Variants in FBXL17 observed in about 807,000 individuals in gnomAD.
FBXL17 encodes F-box/LRR-repeat protein 17.
In FBXL17, 22 loss-of-function variants were observed where a neutral mutation model predicts 66.2. The observed-to-expected ratio is 0.33, with a 90% CI of 0.24 to 0.47. The LOEUF is 0.47. FBXL17 is among the 20% of genes least tolerant of loss of function. The pLI, the probability that FBXL17 is intolerant of heterozygous loss-of-function variation, is 1.00. For missense variants in FBXL17, 878 were observed against 948.2 expected (o/e 0.93, Z 0.97); for synonymous variants, 474 against 400.5 (o/e 1.18, Z -2.19).
intron 1 of FBXL17, among the ~76,000 whole-genome samples, chr5:108,379,746 A>G (rs1749709007): frequency 6.6e-6 from 1 of 152,206 alleles, no homozygotes; most frequent in South Asian, 2.1e-4. Context: ...GGAGGGAAAA[A>G]GTTAATAATA....
chr5:108,302,656 GAATGA>G (rs1758646858), intron 4 of FBXL17, among the ~76,000 whole-genome samples: 1 of 151,522 alleles, frequency 6.6e-6, no homozygotes, highest in Non-Finnish European at 1.5e-5. Flanking sequence ...ACGTTTTAAG[GAATGA>G]AATGTTTTCT....
chr5:107,946,174 CAT>C lies in FBXL17; in HGVS notation c.1823-64997_1823-64996del, dbSNP rs1048489087. On this transcript the variant is annotated intron_variant, in intron 7 of 8. Transcript: ENST00000542267. Reference sequence around the variant, plus strand: ...AGACCCCATCTGCTACAACCCCAGACATATGAGTGTAATTAAATTAAGGCATT... The same window carrying C: ...AGACCCCATCTGCTACAACCCCAGACATGAGTGTAATTAAATTAAGGCATT... Among the ~76,000 whole-genome samples, 9 of 146,676 alleles carry C rather than the reference CAT, an allele frequency of 6.1e-5. No homozygotes were observed. In the South Asian group the frequency reaches 6.5e-4, roughly 11 times the overall value.
At chr5:108,135,767 G>T (rs1360570152) in intron 6 of FBXL17, among the ~76,000 whole-genome samples, 1 of 152,074 alleles carries the variant, frequency 6.6e-6, no homozygotes, top group Non-Finnish European at 1.5e-5. Flanking sequence ...GGATAAGATG[G>T]TTATTTCCTC....
intron 6 of FBXL17, among the ~76,000 whole-genome samples, chr5:108,179,411 A>G (rs772939556): frequency 5.9e-5 from 9 of 152,172 alleles, no homozygotes; most frequent in Non-Finnish European, 1.0e-4. Flanking sequence ...ACCTCAATAT[A>G]CCTAAAAAAA....
chr5:108,113,229 G>A (rs1750108007), intron 6 of FBXL17, among the ~76,000 whole-genome samples: 1 of 152,074 alleles, frequency 6.6e-6, no homozygotes, highest in African/African-American at 2.4e-5. Context: ...AAGACCACAT[G>A]GGCATGTGGC....
chr5:108,376,704 G>T (rs964522715), intron 1 of FBXL17, among the ~76,000 whole-genome samples: 1 of 151,630 alleles, frequency 6.6e-6, no homozygotes, highest in Non-Finnish European at 1.5e-5. Flanking sequence ...CTCAGCATGG[G>T]TCACATTTTT....
chr5:107,962,160 G>A (rs1417004298), intron 7 of FBXL17, among the ~76,000 whole-genome samples: 2 of 152,054 alleles, frequency 1.3e-5, no homozygotes, highest in African/African-American at 4.8e-5. Flanking sequence ...AGTGGTGATG[G>A]TTGTACAACA....
intron 4 of FBXL17, among the ~76,000 whole-genome samples, chr5:108,346,605 CT>C (rs1370641291): frequency 3.9e-5 from 6 of 151,986 alleles, no homozygotes; most frequent in African/African-American, 1.4e-4. Context: ...TTTAATTTAC[CT>C]TGGATGTAAA....
chr5:108,195,946 T>C (rs1753663201), intron 5 of FBXL17, among the ~76,000 whole-genome samples: 1 of 152,132 alleles, frequency 6.6e-6, no homozygotes. Flanking sequence ...TTGTTTTGAA[T>C]ATGCTATGCT....
intron 4 of FBXL17, among the ~76,000 whole-genome samples, chr5:108,328,985 C>G (rs1043752828): frequency 5.9e-5 from 9 of 152,016 alleles, no homozygotes; most frequent in Non-Finnish European, 1.3e-4. Flanking sequence ...AACTAAGAGA[C>G]AGAGGTAATT....
At chr5:107,949,591 A>G (rs1751432890) in intron 7 of FBXL17, among the ~76,000 whole-genome samples, 1 of 152,204 alleles carries the variant, frequency 6.6e-6, no homozygotes, top group Admixed American at 6.5e-5. Context: ...TTGGGAGAGG[A>G]GCAAATGGCT....
intron 7 of FBXL17, among the ~76,000 whole-genome samples, chr5:107,904,839 G>A (rs1426905347): frequency 6.6e-6 from 1 of 151,998 alleles, no homozygotes; most frequent in Non-Finnish European, 1.5e-5. Flanking sequence ...ATTGCTATTA[G>A]ATTTTTTAAC....
At chr5:107,956,193 T>C (rs1162390078) in intron 7 of FBXL17, among the ~76,000 whole-genome samples, 6 of 152,196 alleles carry the variant, frequency 3.9e-5, no homozygotes, top group Non-Finnish European at 7.3e-5. Flanking sequence ...GTATAGATAA[T>C]AGAAATAATT....
intron 4 of FBXL17, among the ~76,000 whole-genome samples, chr5:108,259,860 C>T (rs529974787): frequency 7.9e-5 from 12 of 152,024 alleles, no homozygotes; most frequent in African/African-American, 2.9e-4. Flanking sequence ...TTGGCACTAA[C>T]GGTTTTTAAA....
chr5:107,904,571 C>T (rs1295522819), intron 7 of FBXL17, among the ~76,000 whole-genome samples: 3 of 152,086 alleles, frequency 2.0e-5, no homozygotes, highest in Admixed American at 6.6e-5. Flanking sequence ...ACCACCTTCT[C>T]TCCTTAAATA....
chr5:108,106,423 A>C (rs182603268), intron 6 of FBXL17, among the ~76,000 whole-genome samples: 1 of 152,338 alleles, frequency 6.6e-6, no homozygotes, highest in Non-Finnish European at 1.5e-5. Context: ...TATATATCCA[A>C]GAGAAATGGA....
intron 7 of FBXL17, among the ~76,000 whole-genome samples, chr5:107,967,982 T>TA (rs1444416080): frequency 1.3e-5 from 2 of 152,140 alleles, no homozygotes; most frequent in Admixed American, 1.3e-4. Flanking sequence ...TTTTTCAGCT[T>TA]AAAAAAGCTA....
At chr5:108,090,364 C>T (rs1749142593) in intron 6 of FBXL17, among the ~76,000 whole-genome samples, 1 of 152,114 alleles carries the variant, frequency 6.6e-6, no homozygotes, top group African/African-American at 2.4e-5. Context: ...CCTTAGCCTA[C>T]CCAAATAGCC....
rs565546324 is a variant in FBXL17 at position 108,381,820 on chromosome 5, G to A, written c.-129C>T. On this transcript the variant is annotated 5_prime_UTR_variant, in exon 1 of 9. Transcript: ENST00000542267. ...GGTCGCCCTTCCTGCGCACACACAC[G>A]CACACACGGGCACACACGCGACGGT... The A allele has an allele frequency of 2.0e-5, 26 of 1,303,820 alleles. No homozygotes were observed. Among genetic ancestry groups the A allele is most frequent in the African/African-American group, 1.4e-4 (9 of 64,774 alleles). 80.8% of individuals were successfully genotyped at this position (1,303,820 alleles called of 1,614,324 possible). A position where few individuals can be genotyped will look rare whatever the true frequency, so the allele number is the denominator to read the frequency against.
Sources: gnomAD v4.1 joint callset for allele counts (sites outside exome capture counted in the v4.1 genomes callset) on GRCh38, gnomAD v4.1.1 for gene constraint, MANE v1.5 for transcripts, NCBI Gene and HGNC (gene_info 2026-07-23, HGNC 2026-07-21) for gene names.